Variants in IKBIP observed in about 807,000 individuals in gnomAD.
IKBIP encodes the protein inhibitor of nuclear factor kappa-B kinase-interacting protein.
In IKBIP, 28 loss-of-function variants were observed where a neutral mutation model predicts 31.0. The ratio of observed to expected loss-of-function variants is 0.90; its 90% CI spans 0.67 to 1.24. The LOEUF (loss-of-function observed/expected upper bound fraction) is 1.24. Ranked by LOEUF, IKBIP falls within the 50% of genes most tolerant of loss-of-function variation. The pLI is 0.00. For missense variants in IKBIP, 453 were observed against 441.9 expected, an observed-to-expected ratio of 1.03 and a Z score of -0.23; for synonymous variants, 164 against 160.3, an observed-to-expected ratio of 1.02 and a Z score of -0.17.
chr12:98,617,179 G>A (rs1213777871), intron 2 of IKBIP, among the ~76,000 whole-genome samples: 2 of 152,208 alleles, frequency 1.3e-5, no homozygotes, highest in African/African-American at 2.4e-5. Context: ...TATAACTCGA[G>A]TTGTGGCCTC....
intron 2 of IKBIP, among the ~76,000 whole-genome samples, chr12:98,630,796 T>C (rs1181131548): frequency 6.6e-6 from 1 of 152,242 alleles, no homozygotes; most frequent in East Asian, 1.9e-4. Flanking sequence ...TGGGTGTCCA[T>C]GTCTAGCTGT....
In IKBIP at chr12:98,624,306, C is replaced by T. The variant is rs1423654350; in HGVS notation, c.*1624G>A. 1 of 972,760 alleles carries T rather than the reference C, an allele frequency of 1.0e-6. No homozygotes were observed. The highest frequency in any genetic ancestry group is 1.8e-5 in the African/African-American group (1 of 57,098). 60.3% of individuals were successfully genotyped at this position (972,760 alleles called of 1,614,324 possible). The stretch of plus-strand genomic sequence containing the variant: ...TAAAAGTAAACAAATAGAATTTTGT[C>T]AGTGCACGCAAATAAGAGACATTCA... On this transcript the variant is annotated 3_prime_UTR_variant, in exon 3 of 3. Coordinates refer to ENST00000299157, the MANE Select transcript of IKBIP (RefSeq NM_153687.4).
chr12:98,636,107 A>C (rs2097625544), intron 1 of IKBIP, among the ~76,000 whole-genome samples: 2 of 152,256 alleles, frequency 1.3e-5, no homozygotes. Context: ...AAAACACTTG[A>C]AATTCTTTGC....
intron 1 of IKBIP, among the ~76,000 whole-genome samples, chr12:98,636,563 G>A (rs1463998209): frequency 6.6e-6 from 1 of 152,128 alleles, no homozygotes; most frequent in Non-Finnish European, 1.5e-5. Flanking sequence ...TTAGACAAAT[G>A]TTTACAATAC....
exon 3 of IKBIP, chr12:98,613,927 T>C: frequency 6.2e-7 from 1 of 1,613,786 alleles, no homozygotes; most frequent in South Asian, 1.1e-5. Context: ...AGTTAATTCT[T>C]TGTGAATTTT....
At chr12:98,632,512 A>AATATATATATATATATATAT (rs71436924) in intron 2 of IKBIP, among the ~76,000 whole-genome samples, 3 of 22,794 alleles carry the variant, frequency 1.3e-4, no homozygotes, top group Non-Finnish European at 2.2e-4. Flanking sequence ...AAAAAAAAAA[A>AATATATATATATATATATAT]ATATATATAT....
At position 98,626,470 on chromosome 12, in the gene IKBIP, G is replaced by A. The variant is rs775794906; in HGVS notation, c.594C>T (p.Leu198=). The change falls in exon 3 of 3, where the codon CTC becomes CTT. Residue 198 remains leucine, a synonymous_variant. Coordinates refer to ENST00000299157, the MANE Select transcript of IKBIP (RefSeq NM_153687.4). ...CTTCCAAATCTTTTAGCCGTTCAGT[G>A]AGCAATTTTATTTCCTGCTCAGCTG... ...INSAEQEIKL[L]TERLKDLEDS... 2.5e-6 allele frequency: 4 copies of A among 1,613,290 alleles called. No homozygotes were observed. Among genetic ancestry groups the A allele is most frequent in the Non-Finnish European group, 3.4e-6 (4 of 1,180,008 alleles).
chr12:98,641,252 G>A (rs2097630203), intron 1 of IKBIP, among the ~76,000 whole-genome samples: 1 of 152,192 alleles, frequency 6.6e-6, no homozygotes, highest in Admixed American at 6.5e-5. Context: ...TGAAGAGTGA[G>A]AGTAAGCAGT....
intron 2 of IKBIP, among the ~76,000 whole-genome samples, chr12:98,630,434 C>T: frequency 8.1e-6 from 1 of 123,012 alleles, no homozygotes; most frequent in African/African-American, 3.1e-5. Context: ...TTTATTAGTG[C>T]TTGATTGTTT....
intron 2 of IKBIP, among the ~76,000 whole-genome samples, chr12:98,631,934 C>T (rs2097620517): frequency 6.6e-6 from 1 of 151,442 alleles, no homozygotes; most frequent in Non-Finnish European, 1.5e-5. Context: ...CAGCTCACTG[C>T]AATCTCCACC....
At chr12:98,642,599 CTTTTT>C (rs11380575) in intron 1 of IKBIP, among the ~76,000 whole-genome samples, 1 of 115,278 alleles carries the variant, frequency 8.7e-6, no homozygotes, top group Non-Finnish European at 1.7e-5. Context: ...ATGCTATCTG[CTTTTT>C]TTTTTTTTTT....
At chr12:98,614,192 G>T in exon 3 of IKBIP, 1 of 1,613,886 alleles carries the variant, frequency 6.2e-7, no homozygotes, top group Non-Finnish European at 8.5e-7. Flanking sequence ...TTGAGAAAGC[G>T]TCGTCAGACT....
exon 3 of IKBIP, chr12:98,613,443 T>C (rs1414062870): frequency 9.5e-6 from 5 of 525,966 alleles, no homozygotes; most frequent in Admixed American, 3.9e-5. Context: ...CAACCTGTTT[T>C]AAAGTTTTAT....
downstream of IKBIP, among the ~76,000 whole-genome samples, chr12:98,624,040 TCTTC>T (rs1442512047): frequency 6.6e-6 from 1 of 151,222 alleles, no homozygotes; most frequent in African/African-American, 2.5e-5. Flanking sequence ...AGTGCAGTTT[TCTTC>T]CTTTCCCTTG....
Position 98,625,307 on chromosome 12 carries a change from A to G in IKBIP, c.*623T>C. 1 of 982,618 alleles carries G rather than the reference A, an allele frequency of 1.0e-6. No homozygotes were observed. Among genetic ancestry groups the G allele is most frequent in the Non-Finnish European group, 1.2e-6 (1 of 827,330 alleles). 60.9% of individuals were successfully genotyped at this position (982,618 alleles called of 1,614,324 possible). A position where few individuals can be genotyped will look rare whatever the true frequency, so the allele number is the denominator to read the frequency against. On this transcript the variant is annotated 3_prime_UTR_variant, in exon 3 of 3. Transcript: ENST00000299157. ...ACAGTTTAGAACCTTAACAAAAACT[A>G]AAATGTTTCCCAGGCTTTAGAGTTT...
At chr12:98,642,960 G>A (rs1336977536) in intron 1 of IKBIP, among the ~76,000 whole-genome samples, 1 of 149,412 alleles carries the variant, frequency 6.7e-6, no homozygotes, top group African/African-American at 2.5e-5. Flanking sequence ...AATTTTGTTT[G>A]TTTGTTTTTT....
At chr12:98,635,225 T>G (rs2097624786) in intron 1 of IKBIP, among the ~76,000 whole-genome samples, 1 of 151,442 alleles carries the variant, frequency 6.6e-6, no homozygotes, top group Admixed American at 6.6e-5. Context: ...TAGGCTGGTT[T>G]TGAACTCCTG....
In IKBIP at chr12:98,625,781, T is replaced by C. The variant is rs1047904006; in HGVS notation, c.*149A>G. ...AGTTTTAGTGCTTAAAAAGATAAGC[T>C]TTGATTATGTGGATAATCCATTTGT... is the stretch of plus-strand genomic sequence containing the variant. On this transcript the variant is annotated 3_prime_UTR_variant, in exon 3 of 3. Coordinates refer to ENST00000299157, the MANE Select transcript of IKBIP (RefSeq NM_153687.4). 8 of 536,790 alleles carry C rather than the reference T, an allele frequency of 1.5e-5. No individual in the cohort carries two copies. Among genetic ancestry groups the C allele is most frequent in the Non-Finnish European group, 2.3e-5 (8 of 348,982 alleles). The allele number at this position is 536,790 out of a possible 1,614,324, so 33.3% of individuals were successfully genotyped here.
At chr12:98,617,327 T>C (rs969293833) in intron 2 of IKBIP, among the ~76,000 whole-genome samples, 1 of 152,232 alleles carries the variant, frequency 6.6e-6, no homozygotes, top group African/African-American at 2.4e-5. Context: ...CATTATGAAC[T>C]GAAAGCTCTT....
Sources: allele counts gnomAD v4.1 joint callset (sites outside exome capture counted in the v4.1 genomes callset), GRCh38; gene constraint gnomAD v4.1.1; transcripts MANE v1.5; gene names NCBI Gene and HGNC (gene_info 2026-07-23, HGNC 2026-07-21).